The following UBE4A variants were observed in gnomAD, a reference collection of about 807,000 sequenced individuals.
UBE4A encodes ubiquitination factor E4A.
Under a neutral mutation model 117.9 loss-of-function variants are expected in UBE4A, and 48 were observed. The ratio of observed to expected loss-of-function variants is 0.41; its 90% CI spans 0.32 to 0.52. UBE4A has a LOEUF of 0.52. UBE4A is among the 20% of genes least tolerant of loss of function. The probability of loss-of-function intolerance (pLI) is 0.33; values close to 1 mark genes in which losing one functional copy is unlikely to be tolerated. For synonymous variants in UBE4A, 407 were observed against 450.0 expected (o/e 0.90, Z 1.21); for missense variants, 1,067 against 1,296.3 (o/e 0.82, Z 2.72).
At chr11:118,379,310 G>C in intron 10 of UBE4A, 136 bp from the exon 11 acceptor site, 1 of 961,360 alleles carries the variant, frequency 1.0e-6, no homozygotes, top group Non-Finnish European at 1.6e-6. Flanking sequence ...AAAAACTTTT[G>C]TGAGTGCCTT....
intron 1 of UBE4A, among the ~76,000 whole-genome samples, chr11:118,361,585 C>T (rs1169993112): frequency 6.6e-6 from 1 of 152,198 alleles, no homozygotes. Flanking sequence ...ATTTGACATA[C>T]GTGTGAAAAA....
chr11:118,389,957 G>T (rs782011669), intron 17 of UBE4A, 52 bp downstream of exon 17: 1 of 1,458,390 alleles, frequency 6.9e-7, no homozygotes, highest in Non-Finnish European at 9.2e-7. Flanking sequence ...TTTGATTTAG[G>T]GTTTTGATAG....
intron 12 of UBE4A, among the ~76,000 whole-genome samples, chr11:118,382,359 G>A (rs548961371): frequency 1.0e-3 from 158 of 151,998 alleles, no homozygotes; most frequent in Non-Finnish European, 1.7e-3. Context: ...AGTGCTCACC[G>A]TCATATTTGG....
Position 118,399,120 on chromosome 11 carries a change from T to C in UBE4A, c.*2680T>C. 2.2e-6 allele frequency: 1 copy of C among 453,590 alleles called. No individual in the cohort carries two copies. The highest frequency in any genetic ancestry group is 4.4e-6 in the Non-Finnish European group (1 of 225,304). 28.1% of individuals were successfully genotyped at this position (453,590 alleles called of 1,614,324 possible). On this transcript the variant is annotated 3_prime_UTR_variant, in exon 20 of 20. Transcript: ENST00000252108. ...AAAACTTGATCAACGCGACTGTATT[T>C]TGAAACATTCCAGGAAGGTTACTTC...
At chr11:118,365,342 A>G (rs45540548) in intron 2 of UBE4A, 141 bp downstream of exon 2, 1 of 1,280,284 alleles carries the variant, frequency 7.8e-7, no homozygotes. Flanking sequence ...TGAGAGCAGA[A>G]ATTGGGGTTT....
At position 118,396,549 on chromosome 11, in the gene UBE4A, T is replaced by A; in HGVS notation, c.*109T>A. 4.1e-5 allele frequency: 25 copies of A among 604,928 alleles called. No individual in the cohort carries two copies. Among genetic ancestry groups the A allele is most frequent in the Admixed American group, 5.1e-5 (1 of 19,502 alleles). 37.5% of individuals were successfully genotyped at this position (604,928 alleles called of 1,614,324 possible). Reference sequence around the variant, plus strand: ...CTTTTCTTTCTTCTTTTCTTTTTCTTTTTTTTTTTTTTTTTTACTAAATTA... The same window carrying A: ...CTTTTCTTTCTTCTTTTCTTTTTCTATTTTTTTTTTTTTTTTACTAAATTA... On this transcript the variant is annotated 3_prime_UTR_variant, in exon 20 of 20. Transcript: ENST00000252108.
rs573710362 is a variant in UBE4A at position 118,398,139 on chromosome 11, C to G, written c.*1699C>G. 1 of 152,574 alleles carries G rather than the reference C, an allele frequency of 6.6e-6. No homozygotes were observed. The highest frequency in any genetic ancestry group is 2.1e-4 in the South Asian group (1 of 4,816). 9.5% of individuals were successfully genotyped at this position (152,574 alleles called of 1,614,324 possible). The stretch of plus-strand genomic sequence containing the variant: ...GCCTATTTGCATTTATCTTCCAAAC[C>G]CAATCTAGTAGGATGTTCTCATTTT... On this transcript the variant is annotated 3_prime_UTR_variant, in exon 20 of 20. Coordinates refer to ENST00000252108, the MANE Select transcript of UBE4A (RefSeq NM_001204077.2).
intron 13 of UBE4A, among the ~76,000 whole-genome samples, 194 bp from the exon 14 acceptor site, chr11:118,384,441 C>G (rs1555126814): frequency 6.6e-6 from 1 of 152,180 alleles, no homozygotes; most frequent in Non-Finnish European, 1.5e-5. Flanking sequence ...CTGTCTCCCC[C>G]TTACTTCATC....
chr11:118,375,326 A>G, intron 9 of UBE4A, 97 bp downstream of exon 9: 1 of 1,223,250 alleles, frequency 8.2e-7, no homozygotes, highest in Non-Finnish European at 1.1e-6. Context: ...TTCCTTTCTC[A>G]AAAAAAGATG....
At chr11:118,375,373 T>C (rs1948643262) in intron 9 of UBE4A, 144 bp downstream of exon 9, 1 of 864,576 alleles carries the variant, frequency 1.2e-6, no homozygotes, top group Non-Finnish European at 1.7e-6. Flanking sequence ...TTTTTCTTTT[T>C]TTTTGAGATG....
intron 1 of UBE4A, among the ~76,000 whole-genome samples, chr11:118,360,998 G>T (rs557024083): frequency 1.4e-5 from 2 of 142,026 alleles, no homozygotes; most frequent in Admixed American, 1.4e-4. Context: ...GTGTGTGTGT[G>T]TGTGTGTGTA....
chr11:118,375,356 C>A (rs61059752), intron 9 of UBE4A, 127 bp downstream of exon 9: 199,765 of 1,001,040 alleles, frequency 0.2, 24,312 homozygotes, highest in East Asian at 0.52. Flanking sequence ...CGAGCTATTT[C>A]GATTTTTTTT....
intron 18 of UBE4A, among the ~76,000 whole-genome samples, chr11:118,392,212 TC>T (rs1412689120): frequency 6.6e-6 from 1 of 152,212 alleles, no homozygotes; most frequent in Non-Finnish European, 1.5e-5. Context: ...GAGTTGGACT[TC>T]ATCTTTGTTT....
At chr11:118,388,986 T>C (rs1555127731) in intron 16 of UBE4A, among the ~76,000 whole-genome samples, 1 of 151,868 alleles carries the variant, frequency 6.6e-6, no homozygotes, top group African/African-American at 2.4e-5. Context: ...AAAAATAATT[T>C]TTTTAAAAAA....
intron 4 of UBE4A, 78 bp from the exon 5 acceptor site, chr11:118,371,436 C>T (rs1001438440): frequency 1.4e-6 from 2 of 1,472,090 alleles, no homozygotes; most frequent in African/African-American, 2.8e-5. Flanking sequence ...TAACCTGTGT[C>T]AGAATTACCT....
Position 118,374,079 on chromosome 11 carries a change from G to A in UBE4A, c.1116+394G>A, listed in dbSNP as rs140360824. ...CAGTAAGCCATGATTGCATCATCAC[G>A]CTCCGGCCTGGATGACAGAAGAAGA... is the stretch of plus-strand genomic sequence containing the variant. On this transcript the variant is annotated intron_variant, in intron 8 of 19. Transcript: ENST00000252108. Among the ~76,000 whole-genome samples, 1,040 of 151,816 alleles carry A rather than the reference G, an allele frequency of 6.9e-3. 51 individuals are homozygous for A. The highest frequency in any genetic ancestry group is 0.057 in the Admixed American group (862 of 15,224).
intron 2 of UBE4A, among the ~76,000 whole-genome samples, chr11:118,368,185 A>G (rs565306305): frequency 6.6e-6 from 1 of 152,324 alleles, no homozygotes; most frequent in African/African-American, 2.4e-5. Context: ...ATTCTTGAAC[A>G]CTGTTAAGTG....
chr11:118,390,838 T>C, intron 18 of UBE4A, 34 bp downstream of exon 18: 1 of 1,603,940 alleles, frequency 6.2e-7, no homozygotes, highest in Admixed American at 1.7e-5. Context: ...GCTGATTTCA[T>C]TAAGAACCAC....
chr11:118,395,181 T>A (rs1054765853), intron 19 of UBE4A, among the ~76,000 whole-genome samples: 2 of 151,716 alleles, frequency 1.3e-5, no homozygotes, highest in African/African-American at 4.8e-5. Context: ...ATACAAAAAT[T>A]AGCTGGGCAT....
Sources: gnomAD v4.1 joint callset for allele counts (sites outside exome capture counted in the v4.1 genomes callset) on GRCh38, gnomAD v4.1.1 for gene constraint, MANE v1.5 for transcripts, NCBI Gene and HGNC (gene_info 2026-07-23, HGNC 2026-07-21) for gene names.